The following SPATA3 variants were observed in gnomAD, a reference collection of about 807,000 sequenced individuals.
SPATA3 encodes the protein spermatogenesis associated 3, also known as spermatogenesis-associated protein 3.
SPATA3 carries 6 observed loss-of-function variants against 5.7 expected under a neutral mutation model. The observed-to-expected ratio is 1.06, with a 90% CI of 0.58 to 2.09. The LOEUF is 2.09. SPATA3 is among the 30% of genes most tolerant of loss of function. SPATA3 has a pLI of 0.00. For synonymous variants in SPATA3, 44 were observed against 48.4 expected (o/e 0.91, Z 0.37); for missense variants, 155 against 130.4 (o/e 1.19, Z -0.92).
At chr2:231,019,067 C>T (rs1693008368) in intron 6 of SPATA3, among the ~76,000 whole-genome samples, 1 of 147,806 alleles carries the variant, frequency 6.8e-6, no homozygotes, top group African/African-American at 2.5e-5. Flanking sequence ...CCCAGGTTCA[C>T]ACCATTCTCC....
At chr2:231,015,213 G>T (rs1236261398) in intron 6 of SPATA3, among the ~76,000 whole-genome samples, 1 of 150,542 alleles carries the variant, frequency 6.6e-6, no homozygotes, top group Non-Finnish European at 1.5e-5. Context: ...GAGTGGCTGG[G>T]ACTATCAGCG....
At chr2:231,005,400 CCACCACCAGTATCAGCAT>C (rs1692563626), downstream of SPATA3, among the ~76,000 whole-genome samples, 1 of 90,544 alleles carries the variant, frequency 1.1e-5, no homozygotes, top group African/African-American at 4.4e-5. Context: ...ATCATCACCA[CCACCACCAGTATCAGCAT>C]CATCACCACC....
At chr2:231,006,345 C>CT (rs1692623954), downstream of SPATA3, among the ~76,000 whole-genome samples, 1 of 149,042 alleles carries the variant, frequency 6.7e-6, no homozygotes, top group African/African-American at 2.5e-5. Context: ...ACTAAAAATA[C>CT]AAAAAAAAAT....
At chr2:231,011,165 G>T (rs1692778344), downstream of SPATA3, among the ~76,000 whole-genome samples, 1 of 151,412 alleles carries the variant, frequency 6.6e-6, no homozygotes, top group Non-Finnish European at 1.5e-5. Flanking sequence ...GTCTTGCTCT[G>T]TCGCCCAGGC....
chr2:230,997,242 T>G (rs915113846), intron 1 of SPATA3, among the ~76,000 whole-genome samples: 19 of 152,336 alleles, frequency 1.2e-4, no homozygotes, highest in African/African-American at 4.6e-4. Context: ...TGAATAAGTT[T>G]CATGAGATCT....
At chr2:231,003,639 G>C (rs1692436579), downstream of SPATA3, among the ~76,000 whole-genome samples, 1 of 152,194 alleles carries the variant, frequency 6.6e-6, no homozygotes, top group African/African-American at 2.4e-5. Context: ...GGGACTGCAT[G>C]TCTTTGTGGA....
At chr2:231,010,382 T>C (rs1297719019), downstream of SPATA3, among the ~76,000 whole-genome samples, 2 of 152,242 alleles carry the variant, frequency 1.3e-5, no homozygotes, top group East Asian at 1.9e-4. Context: ...AGATTCTTCT[T>C]GGCCTCTCTG....
exon 2 of SPATA3, chr2:231,000,471 T>C (rs1448250531): frequency 1.3e-6 from 2 of 1,550,072 alleles, no homozygotes; most frequent in South Asian, 1.2e-5. Context: ...ATCTTCGATG[T>C]CCTTCTGCCT....
chr2:230,998,068 T>C (rs371685641), intron 1 of SPATA3, among the ~76,000 whole-genome samples: 2 of 152,108 alleles, frequency 1.3e-5, no homozygotes, highest in African/African-American at 4.8e-5. Context: ...CCAAGAGGCC[T>C]AGGAGTCTCC....
chr2:231,000,618 T>C, intron 2 of SPATA3, 81 bp downstream of exon 2: 3 of 1,275,348 alleles, frequency 2.4e-6, no homozygotes, highest in Non-Finnish European at 1.0e-6. Flanking sequence ...TTAGCAATCA[T>C]GTATCACTTC....
exon 6 of SPATA3, chr2:231,014,037 G>C (rs1434089369): frequency 6.6e-6 from 1 of 151,972 alleles, no homozygotes; most frequent in Non-Finnish European, 1.5e-5. Context: ...ATAAAGGCCA[G>C]ATAAAGCCAA....
At chr2:230,996,509 G>T (rs1692128850) in intron 1 of SPATA3, 1 of 1,551,952 alleles carries the variant, frequency 6.4e-7, no homozygotes, top group Non-Finnish European at 8.7e-7. Flanking sequence ...CTAACGTGAA[G>T]GCAGCCCCTC....
intron 1 of SPATA3, among the ~76,000 whole-genome samples, chr2:230,998,431 C>G (rs1228506015): frequency 1.3e-5 from 2 of 152,142 alleles, no homozygotes; most frequent in African/African-American, 4.8e-5. Context: ...CTTTCCATTC[C>G]CAAGTCTTTT....
downstream of SPATA3, chr2:231,002,965 C>T (rs74675148): frequency 0.023 from 9,802 of 434,724 alleles, 572 homozygotes; most frequent in African/African-American, 0.15. Flanking sequence ...CTAGGGAAGA[C>T]CTGATGCTCT....
At chr2:231,001,695 G>A (rs1300476117) in intron 2 of SPATA3, among the ~76,000 whole-genome samples, 1 of 152,156 alleles carries the variant, frequency 6.6e-6, no homozygotes, top group African/African-American at 2.4e-5. Flanking sequence ...GTGTTATTGA[G>A]GGAAACTTAC....
chr2:231,016,056 G>C (rs1247814920), intron 6 of SPATA3, among the ~76,000 whole-genome samples: 2 of 152,182 alleles, frequency 1.3e-5, no homozygotes, highest in African/African-American at 4.8e-5. Flanking sequence ...TTCCCTGTCT[G>C]TGCCCCATCC....
chr2:231,019,004 T>C (rs541585822), intron 6 of SPATA3, among the ~76,000 whole-genome samples: 5 of 146,788 alleles, frequency 3.4e-5, no homozygotes, highest in African/African-American at 1.3e-4. Flanking sequence ...TCTCACTCTG[T>C]TGCCCAGGCT....
downstream of SPATA3, among the ~76,000 whole-genome samples, chr2:231,003,761 A>G (rs1231201370): frequency 6.6e-6 from 1 of 152,202 alleles, no homozygotes; most frequent in Non-Finnish European, 1.5e-5. Flanking sequence ...ACCAGCCCAA[A>G]AAGGGGATAA....
downstream of SPATA3, among the ~76,000 whole-genome samples, chr2:231,007,701 A>C (rs539911513): frequency 6.6e-6 from 1 of 152,348 alleles, no homozygotes; most frequent in South Asian, 2.1e-4. Flanking sequence ...GATGGGGAGC[A>C]GCCTGCCATG....
Sources: allele counts gnomAD v4.1 joint callset (sites outside exome capture counted in the v4.1 genomes callset), GRCh38; gene constraint gnomAD v4.1.1; transcripts MANE v1.5; gene names NCBI Gene and HGNC (gene_info 2026-07-23, HGNC 2026-07-21).